SH3GL2: variants seen among roughly 807,000 people sequenced by gnomAD.
The protein encoded by SH3GL2 is SH3 domain containing GRB2 like 2, endophilin A1.
Under a neutral mutation model 46.0 loss-of-function variants are expected in SH3GL2, and 24 were observed. That is an observed-to-expected ratio of 0.52 (90% CI 0.38 to 0.73). The LOEUF (loss-of-function observed/expected upper bound fraction) is 0.73, where lower values mean the gene tolerates loss of function less well. Ranked by LOEUF, SH3GL2 falls within the 30% of genes least tolerant of loss-of-function variation. SH3GL2 has a pLI of 0.00. For synonymous variants in SH3GL2, 196 were observed against 147.1 expected, an observed-to-expected ratio of 1.33 and a Z score of -2.40; for missense variants, 413 against 424.2, an observed-to-expected ratio of 0.97 and a Z score of 0.23.
At chr9:17,752,643 A>G (rs1041352581) in intron 2 of SH3GL2, among the ~76,000 whole-genome samples, 7 of 152,112 alleles carry the variant, frequency 4.6e-5, no homozygotes, top group Admixed American at 3.9e-4. Context: ...GACTACCAGC[A>G]CACACCACCA....
chr9:17,756,032 T>G (rs181167161), intron 2 of SH3GL2, among the ~76,000 whole-genome samples: 1 of 152,204 alleles, frequency 6.6e-6, no homozygotes, highest in Non-Finnish European at 1.5e-5. Flanking sequence ...TTTAGGTTTT[T>G]GGGGCCAGAG....
At chr9:17,587,995 T>C (rs971003996) in intron 1 of SH3GL2, among the ~76,000 whole-genome samples, 35 of 152,214 alleles carry the variant, frequency 2.3e-4, no homozygotes, top group African/African-American at 7.7e-4. Context: ...AATTCTTTTT[T>C]AGACCTAATT....
chr9:17,692,280 CTTT>C (rs34029180), intron 1 of SH3GL2, among the ~76,000 whole-genome samples: 16 of 146,042 alleles, frequency 1.1e-4, no homozygotes, highest in Admixed American at 2.0e-4. Flanking sequence ...TTCTTATTTG[CTTT>C]TTTTTTTTTG....
At chr9:17,746,330 C>T (rs1822685017) in intron 1 of SH3GL2, among the ~76,000 whole-genome samples, 1 of 152,164 alleles carries the variant, frequency 6.6e-6, no homozygotes. Context: ...CCCGCCTCGG[C>T]CTCCCAAAGT....
intron 1 of SH3GL2, among the ~76,000 whole-genome samples, chr9:17,664,174 G>T (rs1417646682): frequency 6.6e-6 from 1 of 152,144 alleles, no homozygotes; most frequent in Non-Finnish European, 1.5e-5. Context: ...GTGCTATTCA[G>T]CTGTGAGGCT....
intron 2 of SH3GL2, among the ~76,000 whole-genome samples, chr9:17,751,470 T>TTG (rs1554646584): frequency 1.5e-5 from 2 of 132,926 alleles, no homozygotes; most frequent in African/African-American, 3.0e-5. Flanking sequence ...GTGTGTGTTT[T>TTG]TGTGTGTGCG....
intron 3 of SH3GL2, among the ~76,000 whole-genome samples, chr9:17,762,399 CAAA>C (rs373498696): frequency 6.7e-5 from 3 of 44,738 alleles, no homozygotes; most frequent in Admixed American, 1.5e-4. Flanking sequence ...GACAAGTGAT[CAAA>C]AAAAAAAAAA....
intron 1 of SH3GL2, among the ~76,000 whole-genome samples, chr9:17,595,635 A>G (rs914072804): frequency 1.7e-4 from 26 of 152,238 alleles, no homozygotes; most frequent in African/African-American, 5.8e-4. Context: ...AAAATTGTAA[A>G]CAACCTCAAT....
chr9:17,624,660 C>T (rs1168758253), intron 1 of SH3GL2, among the ~76,000 whole-genome samples: 2 of 152,168 alleles, frequency 1.3e-5, no homozygotes, highest in Non-Finnish European at 2.9e-5. Flanking sequence ...CTCCTGTGTC[C>T]ATGTGGCATG....
intron 1 of SH3GL2, among the ~76,000 whole-genome samples, chr9:17,631,789 T>C (rs1478356143): frequency 6.6e-6 from 1 of 152,186 alleles, no homozygotes; most frequent in Non-Finnish European, 1.5e-5. Flanking sequence ...TCCCAATCCA[T>C]AGTTGGACGA....
chr9:17,718,936 A>G (rs1175143423), intron 1 of SH3GL2, among the ~76,000 whole-genome samples: 1 of 152,070 alleles, frequency 6.6e-6, no homozygotes, highest in Non-Finnish European at 1.5e-5. Context: ...CCTTGTATTT[A>G]TTCTGCCATC....
At chr9:17,600,482 C>T (rs540747045) in intron 1 of SH3GL2, among the ~76,000 whole-genome samples, 2 of 152,198 alleles carry the variant, frequency 1.3e-5, no homozygotes, top group South Asian at 4.1e-4. Context: ...GTTAGATCTT[C>T]AGAGAACAGT....
intron 1 of SH3GL2, among the ~76,000 whole-genome samples, chr9:17,610,917 A>C (rs1309583543): frequency 6.6e-6 from 1 of 152,178 alleles, no homozygotes; most frequent in African/African-American, 2.4e-5. Context: ...CTGTATGGTA[A>C]AATTAATACA....
intron 1 of SH3GL2, among the ~76,000 whole-genome samples, chr9:17,706,847 A>G (rs1234860823): frequency 6.6e-6 from 1 of 152,026 alleles, no homozygotes; most frequent in Non-Finnish European, 1.5e-5. Context: ...CTCACGTAGG[A>G]GAGTCAGGAG....
At chr9:17,668,472 AT>A (rs1820396394) in intron 1 of SH3GL2, among the ~76,000 whole-genome samples, 1 of 151,910 alleles carries the variant, frequency 6.6e-6, no homozygotes, top group Non-Finnish European at 1.5e-5. Context: ...ATTGCTTATG[AT>A]TTTTTTTGGC....
At chr9:17,597,090 C>T (rs938026873) in intron 1 of SH3GL2, among the ~76,000 whole-genome samples, 1 of 152,314 alleles carries the variant, frequency 6.6e-6, no homozygotes, top group Non-Finnish European at 1.5e-5. Context: ...AACTTGTAAG[C>T]TGAGAAACAG....
At chr9:17,676,085 G>C (rs1820601768) in intron 1 of SH3GL2, among the ~76,000 whole-genome samples, 1 of 152,208 alleles carries the variant, frequency 6.6e-6, no homozygotes, top group African/African-American at 2.4e-5. Flanking sequence ...AAAAGATTTG[G>C]CTAGAAGAAG....
intron 1 of SH3GL2, among the ~76,000 whole-genome samples, chr9:17,643,018 G>A (rs541998471): frequency 1.3e-5 from 2 of 152,274 alleles, no homozygotes; most frequent in East Asian, 3.9e-4. Context: ...TCCTGTCCAC[G>A]AGCATGGAAT....
chr9:17,659,657 G>A (rs753252713), intron 1 of SH3GL2, among the ~76,000 whole-genome samples: 9 of 152,206 alleles, frequency 5.9e-5, no homozygotes, highest in African/African-American at 1.4e-4. Context: ...CCAGAAATGC[G>A]TTTACTCTCA....
Sources: gnomAD v4.1 joint callset for allele counts (sites outside exome capture counted in the v4.1 genomes callset) on GRCh38, gnomAD v4.1.1 for gene constraint, MANE v1.5 for transcripts, NCBI Gene and HGNC (gene_info 2026-07-23, HGNC 2026-07-21) for gene names.